Variants in UST observed in about 807,000 individuals in gnomAD.
UST encodes chondroitin sulfate 2-O-sulfotransferase.
Under a neutral mutation model 45.6 loss-of-function variants are expected in UST, and 21 were observed. The observed-to-expected ratio is 0.46, with a 90% CI of 0.33 to 0.66. The LOEUF (loss-of-function observed/expected upper bound fraction) is 0.66, where lower values mean the gene tolerates loss of function less well. Among genes scored for constraint, UST ranks in the 30% least tolerant of loss-of-function variants. The pLI, the probability that UST is intolerant of heterozygous loss-of-function variation, is 0.02. For missense variants in UST, 463 were observed against 512.4 expected (o/e 0.90, Z 0.93); for synonymous variants, 215 against 200.6 (o/e 1.07, Z -0.61).
chr6:149,055,483 A>G (rs1283237706), intron 7 of UST, among the ~76,000 whole-genome samples: 1 of 152,106 alleles, frequency 6.6e-6, no homozygotes, highest in Non-Finnish European at 1.5e-5. Context: ...TTTTCCATTC[A>G]TTGAACACAC....
chr6:149,017,846 G>A (rs1467067361), intron 5 of UST, among the ~76,000 whole-genome samples: 1 of 149,308 alleles, frequency 6.7e-6, no homozygotes, highest in African/African-American at 2.5e-5. Context: ...ACATCTGTCA[G>A]TGTCAAACTC....
intron 5 of UST, among the ~76,000 whole-genome samples, chr6:148,985,219 A>ATCTACTAAAATATTCTGT (rs1781218315): frequency 6.6e-6 from 1 of 152,194 alleles, no homozygotes; most frequent in Non-Finnish European, 1.5e-5. Context: ...AGGGTAATCA[A>ATCTACTAAAATATTCTGT]TCTACTAAAA....
chr6:148,996,538 C>T (rs1178729748), intron 5 of UST, among the ~76,000 whole-genome samples: 2 of 152,198 alleles, frequency 1.3e-5, no homozygotes, highest in African/African-American at 4.8e-5. Flanking sequence ...AGTTTTTCAC[C>T]AGGAAGACTG....
At chr6:149,049,570 A>T (rs1776449078) in intron 7 of UST, among the ~76,000 whole-genome samples, 2 of 152,222 alleles carry the variant, frequency 1.3e-5, no homozygotes, top group African/African-American at 4.8e-5. Flanking sequence ...CATGAATTTT[A>T]GGAAAATAAT....
chr6:148,969,759 G>A (rs1780876960), intron 5 of UST, among the ~76,000 whole-genome samples: 1 of 152,098 alleles, frequency 6.6e-6, no homozygotes, highest in Non-Finnish European at 1.5e-5. Context: ...GAACCCTCAG[G>A]TCTGCTTCTG....
At chr6:148,852,367 G>A (rs982591802) in intron 1 of UST, among the ~76,000 whole-genome samples, 9 of 152,148 alleles carry the variant, frequency 5.9e-5, no homozygotes, top group African/African-American at 9.7e-5. Context: ...GCCAAGGCCC[G>A]TGCTGCGTGC....
At chr6:148,929,465 T>C (rs1476017391) in intron 2 of UST, among the ~76,000 whole-genome samples, 1 of 152,182 alleles carries the variant, frequency 6.6e-6, no homozygotes, top group Admixed American at 6.5e-5. Flanking sequence ...GACTTTGTAA[T>C]TCTGCATGGG....
intron 2 of UST, among the ~76,000 whole-genome samples, chr6:148,919,313 TC>T (rs1465114016): frequency 6.6e-6 from 1 of 152,194 alleles, no homozygotes. Context: ...CTGTAATAGT[TC>T]CTGCTCCCAC....
intron 5 of UST, among the ~76,000 whole-genome samples, chr6:148,998,623 G>T (rs893443185): frequency 1.3e-5 from 2 of 152,104 alleles, no homozygotes; most frequent in African/African-American, 4.8e-5. Context: ...ACTCACAATG[G>T]TGATCTCTCC....
chr6:149,071,127 A>T (rs1429927649), intron 7 of UST, among the ~76,000 whole-genome samples: 2 of 152,202 alleles, frequency 1.3e-5, no homozygotes, highest in Non-Finnish European at 2.9e-5. Flanking sequence ...CTGTTGTGCT[A>T]TCAAATAATA....
chr6:148,854,764 T>C (rs529781945), intron 1 of UST, among the ~76,000 whole-genome samples: 38 of 152,184 alleles, frequency 2.5e-4, no homozygotes, highest in African/African-American at 9.2e-4. Context: ...AAAACTTGGG[T>C]CAAGAGGGTA....
intron 2 of UST, among the ~76,000 whole-genome samples, chr6:148,918,254 T>A (rs75525571): frequency 0.033 from 4,975 of 152,318 alleles, 282 homozygotes; most frequent in African/African-American, 0.11. Context: ...TAAGTGAGTT[T>A]TAAGATACCA....
rs371360854 is a variant in UST at position 148,971,734 on chromosome 6, G to T, written c.681+7171G>T. On this transcript the variant is annotated intron_variant, in intron 5 of 7. Coordinates refer to ENST00000367463, the MANE Select transcript of UST (RefSeq NM_005715.3). ...GGTGCAGTGATGTGGGCAGGCAGGT[G>T]GTGGGCCCCACAGAGCCTCCCAGAC... Among the ~76,000 whole-genome samples, 14 of 152,338 alleles carry T rather than the reference G, an allele frequency of 9.2e-5. No homozygotes were observed. In the East Asian group the frequency reaches 2.3e-3, roughly 25 times the overall value.
chr6:148,753,859 T>C (rs1776036885), intron 1 of UST, among the ~76,000 whole-genome samples: 1 of 152,222 alleles, frequency 6.6e-6, no homozygotes, highest in Admixed American at 6.5e-5. Context: ...ATTTTTTTAT[T>C]ATAGCCATCT....
intron 2 of UST, among the ~76,000 whole-genome samples, chr6:148,894,143 G>C (rs11758230): frequency 0.21 from 32,002 of 152,146 alleles, 4,126 homozygotes; most frequent in African/African-American, 0.35. Context: ...ACAGGAAAGA[G>C]AGAAAAGATG....
chr6:148,907,078 G>A (rs1212800086), intron 2 of UST, among the ~76,000 whole-genome samples: 6 of 151,944 alleles, frequency 3.9e-5, no homozygotes, highest in African/African-American at 7.3e-5. Context: ...ATTTTATTAC[G>A]GTAAGACAAA....
At chr6:148,924,632 C>T (rs1012896818) in intron 2 of UST, among the ~76,000 whole-genome samples, 2 of 152,176 alleles carry the variant, frequency 1.3e-5, no homozygotes, top group East Asian at 1.9e-4. Context: ...TCCCCAGATA[C>T]GTTAGTGTGG....
At chr6:149,057,914 A>G (rs1361737778) in intron 7 of UST, among the ~76,000 whole-genome samples, 1 of 152,232 alleles carries the variant, frequency 6.6e-6, no homozygotes, top group Non-Finnish European at 1.5e-5. Flanking sequence ...GTTTCCTAAA[A>G]ACTTTACTAT....
intron 4 of UST, among the ~76,000 whole-genome samples, chr6:148,962,934 C>T (rs550149109): frequency 1.3e-5 from 2 of 152,312 alleles, no homozygotes; most frequent in Admixed American, 6.5e-5. Flanking sequence ...TGGGAAGAAA[C>T]GTTAACAACT....
Sources: allele counts gnomAD v4.1 joint callset (sites outside exome capture counted in the v4.1 genomes callset), GRCh38; gene constraint gnomAD v4.1.1; transcripts MANE v1.5; gene names NCBI Gene and HGNC (gene_info 2026-07-23, HGNC 2026-07-21).